ZNF783: variants seen among roughly 807,000 people sequenced by gnomAD.
The protein encoded by ZNF783 is protein ZNF783.
Under a neutral mutation model 31.3 loss-of-function variants are expected in ZNF783, and 25 were observed. That is an observed-to-expected ratio of 0.80 (90% CI 0.58 to 1.11). The LOEUF (loss-of-function observed/expected upper bound fraction) is 1.11, where lower values mean the gene tolerates loss of function less well. Ranked by LOEUF, ZNF783 falls within the 50% of genes most tolerant of loss-of-function variation. ZNF783 has a pLI of 0.00. For missense variants in ZNF783, 797 were observed against 760.0 expected, an observed-to-expected ratio of 1.05 and a Z score of -0.57; for synonymous variants, 369 against 319.1, an observed-to-expected ratio of 1.16 and a Z score of -1.66.
intron 5 of ZNF783, 50 bp downstream of exon 5, chr7:149,278,577 C>T (rs775127506): frequency 1.4e-5 from 23 of 1,596,024 alleles, no homozygotes; most frequent in South Asian, 5.5e-5. Context: ...CGAGGCAGCA[C>T]GCGATCACCA....
intron 4 of ZNF783, among the ~76,000 whole-genome samples, chr7:149,274,617 T>C (rs1455647577): frequency 1.3e-5 from 2 of 152,244 alleles, no homozygotes; most frequent in Non-Finnish European, 2.9e-5. Context: ...CCACCCACCT[T>C]GGCTGCCCAA....
At chr7:149,279,150 G>T (rs936824826) in intron 5 of ZNF783, among the ~76,000 whole-genome samples, 13 of 152,226 alleles carry the variant, frequency 8.5e-5, no homozygotes, top group Non-Finnish European at 2.9e-5. Context: ...TCAGTCTCTG[G>T]TTGCTTTCCC....
chr7:149,270,466 C>G (rs574959458), intron 4 of ZNF783, among the ~76,000 whole-genome samples: 2 of 152,316 alleles, frequency 1.3e-5, no homozygotes, highest in Non-Finnish European at 2.9e-5. Flanking sequence ...TTAATTCTTT[C>G]CTTTATCAGT....
chr7:149,268,451 T>A (rs966093456), intron 4 of ZNF783, among the ~76,000 whole-genome samples: 1 of 152,226 alleles, frequency 6.6e-6, no homozygotes, highest in East Asian at 1.9e-4. Flanking sequence ...ACTATATAAT[T>A]CACCTGTTAA....
chr7:149,282,156 A>G lies in ZNF783; in HGVS notation c.1454A>G (p.Gln485Arg). The change falls in exon 6 of 6, where the codon CAG (glutamine) becomes CGG (arginine). Residue 485 changes from glutamine to arginine, a missense_variant. Coordinates refer to ENST00000434415, the MANE Select transcript of ZNF783 (RefSeq NM_001195220.2). ...FRRPSDLFRHQRIHTGERPYQ... is the reference protein window; with the variant it reads ...FRRPSDLFRHRRIHTGERPYQ... ...CGGCCCTCGGACCTCTTCCGGCACC[A>G]GCGCATCCACACCGGTGAGCGGCCC... The G allele has an allele frequency of 1.9e-6, 3 of 1,600,888 alleles. No homozygotes were observed. Among genetic ancestry groups the G allele is most frequent in the Non-Finnish European group, 2.5e-6 (3 of 1,179,508 alleles).
chr7:149,279,925 C>T (rs937086315), intron 5 of ZNF783, among the ~76,000 whole-genome samples: 1 of 152,130 alleles, frequency 6.6e-6, no homozygotes, highest in East Asian at 1.9e-4. Context: ...ACCTTTCCCC[C>T]CTTTCTATTC....
At chr7:149,262,402 C>T in intron 1 of ZNF783, 45 bp downstream of exon 1, 1 of 1,213,100 alleles carries the variant, frequency 8.2e-7, no homozygotes, top group South Asian at 3.5e-5. Flanking sequence ...CCCAGGCCGC[C>T]GCCGCGTGAG....
In ZNF783 at chr7:149,283,734, C is replaced by G. The variant is rs973651031; in HGVS notation, c.*1391C>G. 1 of 152,252 alleles carries G rather than the reference C, an allele frequency of 6.6e-6. No homozygotes were observed. Among genetic ancestry groups the G allele is most frequent in the African/African-American group, 2.4e-5 (1 of 41,446 alleles). 9.4% of individuals were successfully genotyped at this position (152,252 alleles called of 1,614,324 possible). On this transcript the variant is annotated 3_prime_UTR_variant, in exon 6 of 6. Transcript: ENST00000434415. The stretch of plus-strand genomic sequence containing the variant: ...TTTAGTCACAGCTAGTCTCATGTTC[C>G]TCTTCTGTCAAAGGGGTCATGGCCC...
Position 149,278,433 on chromosome 7 carries a change from A to C in ZNF783, c.708A>C (p.Pro236=). 1.1e-5 allele frequency: 18 copies of C among 1,599,306 alleles called. No individual in the cohort carries two copies. Among genetic ancestry groups the C allele is most frequent in the Non-Finnish European group, 1.5e-5 (18 of 1,179,740 alleles). Residue 236 remains proline, a synonymous_variant, in exon 5 of 6, where the codon CCA becomes CCC. Transcript: ENST00000434415. ...LPPYPEHLTS[P]LSPAQEELKE... Reference sequence around the variant, plus strand: ...CGTATCCAGAGCACCTCACCAGCCCACTTAGCCCTGCCCAGGAGGAGCTGA... The same window carrying C: ...CGTATCCAGAGCACCTCACCAGCCCCCTTAGCCCTGCCCAGGAGGAGCTGA...
At chr7:149,276,928 A>G (rs1424593767) in intron 4 of ZNF783, among the ~76,000 whole-genome samples, 1 of 151,904 alleles carries the variant, frequency 6.6e-6, no homozygotes, top group East Asian at 1.9e-4. Context: ...GGCTCACTGC[A>G]AGCTCCGCCT....
chr7:149,275,509 G>A (rs34252345), intron 4 of ZNF783: 15,275 of 151,994 alleles, frequency 0.1, 993 homozygotes, highest in Non-Finnish European at 0.15. Flanking sequence ...AGTAGAGACG[G>A]GGTTTCACTG....
chr7:149,270,918 A>G (rs1797194308), intron 4 of ZNF783, among the ~76,000 whole-genome samples: 1 of 152,208 alleles, frequency 6.6e-6, no homozygotes, highest in Admixed American at 6.5e-5. Flanking sequence ...ATGAGTTTAT[A>G]CATTGATATT....
chr7:149,281,651 G>A lies in ZNF783; in HGVS notation c.949G>A (p.Ala317Thr). The change falls in exon 6 of 6, where the codon GCC becomes ACC. Residue 317 changes from alanine (A) to threonine (T), a missense_variant. Ala to Thr is a moderately conservative substitution (Grantham distance 58). Coordinates refer to ENST00000434415, the MANE Select transcript of ZNF783 (RefSeq NM_001195220.2). ...NRPGGPSRHQ[A>T]QGMPRVRAGE... ...GCCTGGGGGCCCCAGCCGTCATCAG[G>A]CCCAGGGCATGCCCAGGGTGCGGGC... The A allele has an allele frequency of 6.5e-7, 1 of 1,534,410 alleles. No individual in the cohort carries two copies. The highest frequency in any genetic ancestry group is 8.7e-7 in the Non-Finnish European group (1 of 1,152,748).
intron 4 of ZNF783, among the ~76,000 whole-genome samples, chr7:149,274,544 T>C (rs1488579632): frequency 6.6e-6 from 1 of 152,218 alleles, no homozygotes; most frequent in Admixed American, 6.5e-5. Flanking sequence ...TTTTGTATTT[T>C]TAGTAGAGAC....
At position 149,267,349 on chromosome 7, in the gene ZNF783, G is replaced by A. The variant is rs757901272; in HGVS notation, c.673+127G>A. On this transcript the variant is annotated intron_variant, in intron 4 of 5. Transcript: ENST00000434415. Reference sequence around the variant, plus strand: ...AGCATAGACCATTAACCCAAAGTGGGACCACTCTGTACAAGGCCACCCTGG... The same window carrying A: ...AGCATAGACCATTAACCCAAAGTGGAACCACTCTGTACAAGGCCACCCTGG... 1.2e-4 allele frequency: 161 copies of A among 1,332,112 alleles called. 1 individual carries two copies. Among genetic ancestry groups the A allele is most frequent in the Non-Finnish European group, 1.5e-4 (155 of 1,001,316 alleles). 82.5% of individuals were successfully genotyped at this position (1,332,112 alleles called of 1,614,324 possible). A position where few individuals can be genotyped will look rare whatever the true frequency, so the allele number is the denominator to read the frequency against.
rs769368775 is a variant in ZNF783 at position 149,267,165 on chromosome 7, TG to T, written c.620del (p.Gly207AlafsTer8). 2 of 1,599,150 alleles carry T rather than the reference TG, an allele frequency of 1.3e-6. No individual in the cohort carries two copies. The highest frequency in any genetic ancestry group is 3.3e-5 in the Admixed American group (2 of 59,976). ...GGGAGAGGAGCCTTGTCTTGACCGG[TG>T]GGGCCAGGAGAAGGGGAATGAAGTA... is the stretch of plus-strand genomic sequence containing the variant. ...ERGEEPCLDR[W>X]GQEKGNEVEV... On this transcript the variant is annotated frameshift_variant, in exon 4 of 6. Coordinates refer to ENST00000434415, the MANE Select transcript of ZNF783 (RefSeq NM_001195220.2). LOFTEE classifies it high-confidence loss of function.
Position 149,282,957 on chromosome 7 carries a change from G to GTTTTTTT in ZNF783, c.*618_*624dup, listed in dbSNP as rs57927274. The GTTTTTTT allele has an allele frequency of 0.14, 18,635 of 129,654 alleles. 1,212 individuals are homozygous for GTTTTTTT. The highest frequency in any genetic ancestry group is 0.23 in the Admixed American group (2,825 of 12,430). The allele number at this position is 129,654 out of a possible 1,614,324, so 8.0% of individuals were successfully genotyped here. On this transcript the variant is annotated 3_prime_UTR_variant, in exon 6 of 6. Transcript: ENST00000434415. ...CGTCCACCAGCCTGTGGGTCTTTTG[G>GTTTTTTT]TTTTTTTTTTGTTGTTGTTGTTGTT...
rs1797076596 is a variant in ZNF783, at chr7:149,266,664, C to G, written c.354C>G (p.Asn118Lys). The change falls in exon 2 of 6, where the codon AAC (asparagine) becomes AAG (lysine). Residue 118 changes from asparagine to lysine, a missense_variant. Transcript: ENST00000434415. The part of the protein sequence containing the change: ...LLQRRLENVE[N>K]LLRNRNFWIL... ...AGAGGCGGCTGGAGAATGTGGAGAACTTGCTGCGCAACAGGAACTTCTGGA... is the reference window on the plus strand; with the variant it reads ...AGAGGCGGCTGGAGAATGTGGAGAAGTTGCTGCGCAACAGGAACTTCTGGA... The G allele has an allele frequency of 6.2e-7, 1 of 1,614,104 alleles. No homozygotes were observed.
At chr7:149,277,802 T>C (rs1797369070) in intron 4 of ZNF783, 1 of 151,286 alleles carries the variant, frequency 6.6e-6, no homozygotes, top group South Asian at 2.1e-4. Flanking sequence ...AGAGGACAAG[T>C]GCTCATTTCG....
Sources: allele counts gnomAD v4.1 joint callset (sites outside exome capture counted in the v4.1 genomes callset), GRCh38; gene constraint gnomAD v4.1.1; transcripts MANE v1.5; gene names NCBI Gene and HGNC (gene_info 2026-07-23, HGNC 2026-07-21).